ABCA5: variants seen among roughly 807,000 people sequenced by gnomAD.
The protein encoded by ABCA5 is ATP binding cassette subfamily A member 5.
ABCA5 carries 163 observed loss-of-function variants against 206.0 expected under a neutral mutation model. The ratio of observed to expected loss-of-function variants is 0.79; its 90% confidence interval spans 0.70 to 0.90. The LOEUF (loss-of-function observed/expected upper bound fraction) is 0.90. Ranked by LOEUF, ABCA5 falls within the 40% of genes least tolerant of loss-of-function variation. The pLI is 0.00. For missense variants in ABCA5, 1,859 were observed against 1,912.9 expected, an observed-to-expected ratio of 0.97 and a Z score of 0.53; for synonymous variants, 609 against 613.8, an observed-to-expected ratio of 0.99 and a Z score of 0.11.
intron 19 of ABCA5, among the ~76,000 whole-genome samples, chr17:69,275,359 T>A (rs2075320410): frequency 1.3e-5 from 2 of 152,092 alleles, no homozygotes; most frequent in Non-Finnish European, 1.5e-5. Flanking sequence ...TATCTATATA[T>A]CACATGTAAT....
intron 11 of ABCA5, among the ~76,000 whole-genome samples, chr17:69,292,176 C>G (rs2075534917): frequency 6.6e-6 from 1 of 152,052 alleles, no homozygotes; most frequent in Non-Finnish European, 1.5e-5. Context: ...AGGAAAAAGT[C>G]TCAGATCCTA....
At chr17:69,266,795 AAT>A (rs1293858427) in intron 23 of ABCA5, among the ~76,000 whole-genome samples, 5 of 147,718 alleles carry the variant, frequency 3.4e-5, no homozygotes, top group Admixed American at 2.0e-4. Context: ...TTATTTTAAA[AAT>A]AGAGATATGT....
chr17:69,291,113 C>A (rs994504656), intron 12 of ABCA5, 103 bp downstream of exon 12: 4 of 604,344 alleles, frequency 6.6e-6, no homozygotes, highest in South Asian at 3.5e-5. Context: ...AAAGAAAACA[C>A]CTTTACAGAT....
chr17:69,278,600 T>C (rs2075358312), intron 18 of ABCA5, among the ~76,000 whole-genome samples: 2 of 152,210 alleles, frequency 1.3e-5, no homozygotes, highest in Non-Finnish European at 2.9e-5. Flanking sequence ...TACAGATTAT[T>C]AGCACAACAC....
chr17:69,269,673 A>G (rs1018903484), intron 22 of ABCA5, among the ~76,000 whole-genome samples: 4 of 152,230 alleles, frequency 2.6e-5, no homozygotes, highest in Non-Finnish European at 1.5e-5. Context: ...ACAGATAAGT[A>G]GAATGCAGTA....
chr17:69,325,700 T>G (rs1194937302), intron 1 of ABCA5: 1 of 152,104 alleles, frequency 6.6e-6, no homozygotes, highest in Non-Finnish European at 1.5e-5. Flanking sequence ...AAAAATTACC[T>G]GGGCGCAGTG....
intron 1 of ABCA5, among the ~76,000 whole-genome samples, chr17:69,322,153 C>A (rs948839479): frequency 6.6e-6 from 1 of 151,924 alleles, no homozygotes; most frequent in East Asian, 1.9e-4. Flanking sequence ...GGGAAGATCA[C>A]GAGGTCAGGA....
At chr17:69,303,544 T>A in intron 7 of ABCA5, among the ~76,000 whole-genome samples, 1 of 147,066 alleles carries the variant, frequency 6.8e-6, no homozygotes, top group Non-Finnish European at 1.5e-5. Context: ...TGTGAAAAAA[T>A]AATAAATCAA....
chr17:69,265,678 A>G (rs1004390831), intron 23 of ABCA5, among the ~76,000 whole-genome samples: 3 of 152,196 alleles, frequency 2.0e-5, no homozygotes, highest in Non-Finnish European at 4.4e-5. Flanking sequence ...AGATTAGTTA[A>G]GAAGAGGAGA....
intron 9 of ABCA5, among the ~76,000 whole-genome samples, chr17:69,298,316 G>GGA (rs1368530754): frequency 0.016 from 671 of 42,012 alleles, 19 homozygotes; most frequent in African/African-American, 0.034. Context: ...AAGAGAGAGA[G>GGA]AGGAAGGAAG....
chr17:69,309,689 A>C (rs138347797), intron 3 of ABCA5, among the ~76,000 whole-genome samples: 1 of 152,044 alleles, frequency 6.6e-6, no homozygotes, highest in Admixed American at 6.6e-5. Flanking sequence ...AAAAATAAAA[A>C]AATTAGCCAG....
At chr17:69,300,395 T>G (rs1411278333) in intron 9 of ABCA5, among the ~76,000 whole-genome samples, 2 of 152,184 alleles carry the variant, frequency 1.3e-5, no homozygotes, top group Non-Finnish European at 2.9e-5. Context: ...TGCAGCCCAG[T>G]TCCTCACAGG....
intron 3 of ABCA5, 55 bp downstream of exon 3, chr17:69,313,037 A>G (rs1220677440): frequency 1.6e-6 from 2 of 1,217,952 alleles, no homozygotes; most frequent in Non-Finnish European, 2.2e-6. Flanking sequence ...GCAAGCTGAT[A>G]AATATTGAAA....
rs193147615 is a variant in ABCA5 at position 69,320,299 on chromosome 17, C to T, written c.-15-5869G>A. Among the ~76,000 whole-genome samples the T allele has an allele frequency of 1.8e-4, 28 of 152,054 alleles. 1 individual carries two copies. The highest frequency in any genetic ancestry group is 2.5e-4 in the Non-Finnish European group (17 of 67,964). ...AGATGGGGTGAACTTCATTTAAAGA[C>T]GAATTAGTGAGCTAAATTGAAGCGT... On this transcript the variant is annotated intron_variant, in intron 1 of 38. Transcript: ENST00000392676.
intron 3 of ABCA5, among the ~76,000 whole-genome samples, chr17:69,309,869 A>T (rs2075753449): frequency 6.6e-6 from 1 of 152,072 alleles, no homozygotes; most frequent in Non-Finnish European, 1.5e-5. Context: ...AAAGAAGACA[A>T]TTCTTCCAAC....
intron 1 of ABCA5, among the ~76,000 whole-genome samples, chr17:69,319,990 G>A (rs1453773677): frequency 6.6e-6 from 1 of 152,042 alleles, no homozygotes; most frequent in Non-Finnish European, 1.5e-5. Context: ...ATGTTTTTGC[G>A]CCTAAGTTTT....
At chr17:69,276,811 A>G (rs1203711132) in intron 19 of ABCA5, among the ~76,000 whole-genome samples, 1 of 152,194 alleles carries the variant, frequency 6.6e-6, no homozygotes, top group Non-Finnish European at 1.5e-5. Flanking sequence ...AAAATAATAA[A>G]ATAAATTGAA....
intron 10 of ABCA5, 72 bp downstream of exon 10, chr17:69,297,119 A>G: frequency 1.4e-6 from 2 of 1,407,524 alleles, no homozygotes; most frequent in Non-Finnish European, 9.8e-7. Flanking sequence ...ATTTACATAC[A>G]TATTTAAAGA....
intron 9 of ABCA5, among the ~76,000 whole-genome samples, 155 bp from the exon 10 acceptor site, chr17:69,297,514 T>C (rs2075597079): frequency 6.6e-6 from 1 of 152,234 alleles, no homozygotes; most frequent in African/African-American, 2.4e-5. Flanking sequence ...AATAAATATA[T>C]ACAATTTTCA....
Sources: gnomAD v4.1 joint callset for allele counts (sites outside exome capture counted in the v4.1 genomes callset) on GRCh38, gnomAD v4.1.1 for gene constraint, MANE v1.5 for transcripts, NCBI Gene and HGNC (gene_info 2026-07-23, HGNC 2026-07-21) for gene names.